The following COP1 variants were observed in gnomAD, a reference collection of about 807,000 sequenced individuals.
COP1 encodes COP1 E3 ubiquitin ligase, also known as E3 ubiquitin-protein ligase COP1.
In COP1, 24 loss-of-function variants were observed where a neutral mutation model predicts 101.3. The observed-to-expected ratio is 0.24, with a 90% CI of 0.17 to 0.33. The LOEUF (loss-of-function observed/expected upper bound fraction) is 0.33, where lower values mean the gene tolerates loss of function less well. COP1 is among the 10% of genes least tolerant of loss of function. The probability of loss-of-function intolerance (pLI) is 1.00; values close to 1 mark genes in which losing one functional copy is unlikely to be tolerated. For missense variants in COP1, 663 were observed against 906.2 expected, an observed-to-expected ratio of 0.73 and a Z score of 3.45; for synonymous variants, 347 against 341.9, an observed-to-expected ratio of 1.01 and a Z score of -0.17.
intron 18 of COP1, among the ~76,000 whole-genome samples, chr1:175,949,027 G>A (rs1317911795): frequency 1.3e-5 from 2 of 151,676 alleles, no homozygotes; most frequent in African/African-American, 4.8e-5. Flanking sequence ...GCTTGGCGTG[G>A]TGGCGTGTGC....
rs1346465045 is a variant in COP1 at position 175,980,796 on chromosome 1, G to T, written c.2133+6147C>A. Among the ~76,000 whole-genome samples the T allele has an allele frequency of 2.6e-5, 4 of 152,044 alleles. No homozygotes were observed. The East Asian group carries it at 7.7e-4, about 29-fold the overall frequency. On this transcript the variant is annotated intron_variant, in intron 18 of 19. Transcript: ENST00000367669. ...CTTTTACTATTAGCTATCCACTTAG[G>T]ATTGGTGAGTAGCTAAGTACGTATG... is the stretch of plus-strand genomic sequence containing the variant.
chr1:176,178,196 G>C (rs1697225204), intron 2 of COP1, among the ~76,000 whole-genome samples: 2 of 152,002 alleles, frequency 1.3e-5, no homozygotes, highest in African/African-American at 4.8e-5. Flanking sequence ...AAATACAATA[G>C]ACTAAGAATC....
chr1:175,989,339 C>G, intron 16 of COP1, 23 bp downstream of exon 16: 1 of 1,235,034 alleles, frequency 8.1e-7, no homozygotes, highest in Non-Finnish European at 1.2e-6. Context: ...TTAAGCTCAA[C>G]CTCTGAGGAG....
intron 5 of COP1, among the ~76,000 whole-genome samples, chr1:176,151,643 T>C (rs1692612974): frequency 1.3e-5 from 2 of 152,208 alleles, no homozygotes. Flanking sequence ...ATCCTTATTA[T>C]GGGAATGGAA....
intron 18 of COP1, among the ~76,000 whole-genome samples, chr1:175,965,555 T>G (rs960077604): frequency 2.0e-5 from 3 of 149,474 alleles, no homozygotes; most frequent in African/African-American, 7.4e-5. Flanking sequence ...GAAATTCATT[T>G]CACTTATCTG....
chr1:175,956,447 T>C (rs1650661015), intron 18 of COP1, among the ~76,000 whole-genome samples: 1 of 152,006 alleles, frequency 6.6e-6, no homozygotes, highest in Non-Finnish European at 1.5e-5. Context: ...AGAAAATCTT[T>C]GGGTTGGCAA....
intron 11 of COP1, among the ~76,000 whole-genome samples, chr1:176,059,697 G>A (rs766361963): frequency 1.3e-5 from 2 of 151,934 alleles, no homozygotes; most frequent in East Asian, 1.9e-4. Flanking sequence ...TAGTCAGGCC[G>A]GTCTCGAACT....
chr1:176,114,074 T>C (rs1276865416), intron 9 of COP1, among the ~76,000 whole-genome samples: 1 of 152,090 alleles, frequency 6.6e-6, no homozygotes, highest in Non-Finnish European at 1.5e-5. Flanking sequence ...GATGTTGATG[T>C]TCTGTGAAAT....
intron 1 of COP1, among the ~76,000 whole-genome samples, chr1:176,206,053 G>C (rs1189063637): frequency 6.6e-6 from 1 of 152,154 alleles, no homozygotes; most frequent in East Asian, 1.9e-4. Flanking sequence ...TAAAAAGCAT[G>C]TCTTTATAAG....
intron 9 of COP1, among the ~76,000 whole-genome samples, chr1:176,102,273 C>T (rs1300843838): frequency 7.2e-5 from 11 of 152,038 alleles, no homozygotes; most frequent in African/African-American, 2.2e-4. Context: ...TTTTCCTTTT[C>T]GCCCAATAAA....
intron 15 of COP1, among the ~76,000 whole-genome samples, chr1:175,994,908 A>G (rs929677538): frequency 6.6e-6 from 1 of 152,226 alleles, no homozygotes; most frequent in Non-Finnish European, 1.5e-5. Flanking sequence ...ATGGACATCT[A>G]CAGAACTCTC....
intron 6 of COP1, among the ~76,000 whole-genome samples, chr1:176,137,998 C>T (rs758955434): frequency 7.2e-5 from 11 of 152,050 alleles, no homozygotes; most frequent in South Asian, 2.1e-4. Flanking sequence ...TGGTATACAA[C>T]GTATTAAGGG....
intron 2 of COP1, among the ~76,000 whole-genome samples, chr1:176,179,313 AAAGAT>A (rs1276172441): frequency 3.3e-5 from 5 of 151,968 alleles, no homozygotes; most frequent in African/African-American, 9.7e-5. Flanking sequence ...ATTACATAAT[AAAGAT>A]AAGAGATGGG....
intron 18 of COP1, among the ~76,000 whole-genome samples, chr1:175,959,767 T>C (rs1651108493): frequency 6.6e-6 from 1 of 152,126 alleles, no homozygotes; most frequent in Non-Finnish European, 1.5e-5. Flanking sequence ...AAACTGAGTG[T>C]CTCTCATCTC....
chr1:176,070,643 C>T (rs1362222449), intron 11 of COP1, among the ~76,000 whole-genome samples: 4 of 152,102 alleles, frequency 2.6e-5, no homozygotes, highest in African/African-American at 9.7e-5. Context: ...GCCTGAGCAA[C>T]AGAGCAAGAC....
At chr1:176,115,651 A>G (rs1186653405) in intron 9 of COP1, among the ~76,000 whole-genome samples, 3 of 151,924 alleles carry the variant, frequency 2.0e-5, no homozygotes, top group Non-Finnish European at 4.4e-5. Context: ...TGGGAGGCTG[A>G]GGCAGGAGAA....
chr1:176,175,826 G>A, intron 3 of COP1, 84 bp downstream of exon 3: 1 of 713,612 alleles, frequency 1.4e-6, no homozygotes, highest in Non-Finnish European at 2.4e-6. Flanking sequence ...TACCACTAAG[G>A]TAGGTTTTCT....
intron 5 of COP1, chr1:176,160,351 T>C (rs192174653): frequency 2.9e-4 from 89 of 302,918 alleles, no homozygotes; most frequent in Non-Finnish European, 4.8e-4. Context: ...ATTCAGGACA[T>C]AGGAATGGGC....
chr1:175,975,313 G>A (rs1654260611), intron 18 of COP1, among the ~76,000 whole-genome samples: 1 of 152,098 alleles, frequency 6.6e-6, no homozygotes, highest in African/African-American at 2.4e-5. Context: ...TTAGATGTGT[G>A]AGTTTGGAGT....
Sources: allele counts gnomAD v4.1 joint callset (sites outside exome capture counted in the v4.1 genomes callset), GRCh38; gene constraint gnomAD v4.1.1; transcripts MANE v1.5; gene names NCBI Gene and HGNC (gene_info 2026-07-23, HGNC 2026-07-21).